Variants in C1orf21 observed in about 807,000 individuals in gnomAD.
C1orf21 encodes the protein chromosome 1 open reading frame 21.
A neutral mutation model predicts 18.7 loss-of-function variants in C1orf21; 3 were observed. That is an observed-to-expected ratio of 0.16 (90% CI 0.07 to 0.42). The LOEUF (loss-of-function observed/expected upper bound fraction) is 0.42, where lower values mean the gene tolerates loss of function less well. Ranked by LOEUF, C1orf21 falls within the 10% of genes least tolerant of loss-of-function variation. The probability of loss-of-function intolerance (pLI) is 0.99; values close to 1 mark genes in which losing one functional copy is unlikely to be tolerated. For synonymous variants in C1orf21, 41 were observed against 46.4 expected, an observed-to-expected ratio of 0.88 and a Z score of 0.47; for missense variants, 104 against 143.6, an observed-to-expected ratio of 0.72 and a Z score of 1.41.
At chr1:184,549,792 T>C (rs1036163557) in intron 3 of C1orf21, among the ~76,000 whole-genome samples, 11 of 152,144 alleles carry the variant, frequency 7.2e-5, no homozygotes, top group Non-Finnish European at 1.5e-4. Context: ...AATCTTCCTA[T>C]TTATTTTTAT....
At chr1:184,585,407 C>T (rs1459176516) in intron 3 of C1orf21, among the ~76,000 whole-genome samples, 1 of 152,172 alleles carries the variant, frequency 6.6e-6, no homozygotes, top group Non-Finnish European at 1.5e-5. Context: ...TAAGAATGCT[C>T]TCAATGAAGC....
chr1:184,492,241 G>A (rs1657827702), intron 2 of C1orf21, among the ~76,000 whole-genome samples: 1 of 152,226 alleles, frequency 6.6e-6, no homozygotes, highest in African/African-American at 2.4e-5. Context: ...TTCTGCCACA[G>A]AGTAACCATG....
chr1:184,488,656 A>G (rs1451770015), intron 2 of C1orf21, among the ~76,000 whole-genome samples: 1 of 152,228 alleles, frequency 6.6e-6, no homozygotes, highest in Non-Finnish European at 1.5e-5. Flanking sequence ...TTAATCTAAA[A>G]ATTTAACTGT....
chr1:184,411,714 G>T (rs1656358051), intron 1 of C1orf21, among the ~76,000 whole-genome samples: 1 of 152,100 alleles, frequency 6.6e-6, no homozygotes, highest in African/African-American at 2.4e-5. Flanking sequence ...GAGCCACCGC[G>T]CCCAGCCGGT....
intron 1 of C1orf21, among the ~76,000 whole-genome samples, chr1:184,458,196 G>A (rs1657250106): frequency 6.6e-6 from 1 of 152,142 alleles, no homozygotes; most frequent in Non-Finnish European, 1.5e-5. Flanking sequence ...TGACTAAGGG[G>A]ACTCCCTTCC....
At chr1:184,594,404 A>G (rs1439632039) in intron 4 of C1orf21, among the ~76,000 whole-genome samples, 1 of 152,200 alleles carries the variant, frequency 6.6e-6, no homozygotes. Context: ...GAGAAAAGAT[A>G]TCAATTTCTA....
At chr1:184,460,620 GTCTTCTTCTTCT>G (rs201481780) in intron 1 of C1orf21, among the ~76,000 whole-genome samples, 11,266 of 111,824 alleles carry the variant, frequency 0.1, 618 homozygotes, top group East Asian at 0.14. Flanking sequence ...TGTCGTCGTC[GTCTTCTTCTTCT>G]TCTTCTTCTT....
intron 3 of C1orf21, among the ~76,000 whole-genome samples, chr1:184,569,053 A>G (rs1659073070): frequency 6.6e-6 from 1 of 152,258 alleles, no homozygotes; most frequent in African/African-American, 2.4e-5. Context: ...AGAGACAGAT[A>G]TGTAAACAGA....
At chr1:184,487,105 A>G (rs1327092011) in intron 2 of C1orf21, among the ~76,000 whole-genome samples, 1 of 151,992 alleles carries the variant, frequency 6.6e-6, no homozygotes, top group African/African-American at 2.4e-5. Context: ...TTCTTTACCT[A>G]TTGCACTTCC....
intron 3 of C1orf21, among the ~76,000 whole-genome samples, chr1:184,513,777 GA>G (rs1433004678): frequency 5.3e-5 from 8 of 152,230 alleles, no homozygotes; most frequent in Non-Finnish European, 1.0e-4. Context: ...CTGTTTCAGT[GA>G]AAATTAAGCC....
At chr1:184,410,162 T>C (rs1343819290) in intron 1 of C1orf21, among the ~76,000 whole-genome samples, 1 of 152,218 alleles carries the variant, frequency 6.6e-6, no homozygotes, top group African/African-American at 2.4e-5. Flanking sequence ...GATCTGTGAA[T>C]AGCTTGTGCA....
intron 1 of C1orf21, among the ~76,000 whole-genome samples, chr1:184,399,795 A>G (rs978490205): frequency 6.6e-6 from 1 of 152,132 alleles, no homozygotes. Context: ...TGCTATTGTG[A>G]TTATTATTTA....
chr1:184,582,387 T>G (rs1270457825), intron 3 of C1orf21, among the ~76,000 whole-genome samples: 1 of 152,268 alleles, frequency 6.6e-6, no homozygotes, highest in Middle Eastern at 3.2e-3. Context: ...GAAATGCAGT[T>G]GTGCAAATGT....
intron 3 of C1orf21, among the ~76,000 whole-genome samples, chr1:184,581,994 T>C (rs894154808): frequency 6.6e-6 from 1 of 152,246 alleles, no homozygotes; most frequent in Non-Finnish European, 1.5e-5. Context: ...GTAATTGTAA[T>C]GGAAGTATTG....
chr1:184,485,859 T>G (rs1657724889), intron 2 of C1orf21, among the ~76,000 whole-genome samples: 1 of 152,218 alleles, frequency 6.6e-6, no homozygotes, highest in African/African-American at 2.4e-5. Flanking sequence ...GAGAAAATCA[T>G]GTTTCCCTTT....
At chr1:184,592,625 A>G (rs987734423) in intron 4 of C1orf21, among the ~76,000 whole-genome samples, 1 of 152,214 alleles carries the variant, frequency 6.6e-6, no homozygotes, top group African/African-American at 2.4e-5. Context: ...TGACACAGGC[A>G]CCCCAACCCA....
At chr1:184,480,307 G>A (rs1657634590) in intron 2 of C1orf21, among the ~76,000 whole-genome samples, 1 of 152,210 alleles carries the variant, frequency 6.6e-6, no homozygotes, top group African/African-American at 2.4e-5. Flanking sequence ...CTAATGAATG[G>A]AACATAAACT....
chr1:184,538,700 G>T (rs1658598144), intron 3 of C1orf21, among the ~76,000 whole-genome samples: 1 of 152,124 alleles, frequency 6.6e-6, no homozygotes, highest in Non-Finnish European at 1.5e-5. Flanking sequence ...AGCACCATTT[G>T]TTGGAAAGAC....
chr1:184,531,827 C>T (rs931141787), intron 3 of C1orf21, among the ~76,000 whole-genome samples: 42 of 152,140 alleles, frequency 2.8e-4, no homozygotes, highest in African/African-American at 9.7e-4. Context: ...CTTCCTACAG[C>T]TGAGATTGTA....
Sources: allele counts gnomAD v4.1 joint callset (sites outside exome capture counted in the v4.1 genomes callset), GRCh38; gene constraint gnomAD v4.1.1; transcripts MANE v1.5; gene names NCBI Gene and HGNC (gene_info 2026-07-23, HGNC 2026-07-21).